Variants in ZNF233 observed in about 807,000 individuals in gnomAD.
The protein encoded by ZNF233 is zinc finger protein 233.
ZNF233 carries 7 observed loss-of-function variants against 11.6 expected under a neutral mutation model. That is an observed-to-expected ratio of 0.60 (90% CI 0.34 to 1.13). ZNF233 has a LOEUF of 1.13. Among genes scored for constraint, ZNF233 ranks in the 50% most tolerant of loss-of-function variants. The probability of loss-of-function intolerance (pLI) is 0.03; values close to 1 mark genes in which losing one functional copy is unlikely to be tolerated. For missense variants in ZNF233, 711 were observed against 785.5 expected (o/e 0.91, Z 1.13); for synonymous variants, 226 against 268.5 (o/e 0.84, Z 1.55).
At chr19:44,268,185 T>TACA (rs58790586) in intron 4 of ZNF233, 4 of 149,576 alleles carry the variant, frequency 2.7e-5, no homozygotes, top group African/African-American at 9.7e-5. Flanking sequence ...CATACATACA[T>TACA]TTAATTAAAT....
chr19:44,266,082 C>A (rs189211882), intron 2 of ZNF233, 116 bp from the exon 3 acceptor site: 1 of 1,163,534 alleles, frequency 8.6e-7, no homozygotes, highest in Non-Finnish European at 1.1e-6. Context: ...AAAGTTCATT[C>A]GAGGCCCTCA....
Position 44,266,317 on chromosome 19 carries a change from G to A in ZNF233, c.135G>A (p.Leu45=). 2 of 1,603,410 alleles carry A rather than the reference G, an allele frequency of 1.2e-6. No homozygotes were observed. Among genetic ancestry groups the A allele is most frequent in the South Asian group, 2.2e-5 (2 of 89,626 alleles). The change falls in exon 3 of 5, where the codon CTG becomes CTA. Residue 45 remains leucine, a synonymous_variant. Transcript: ENST00000683810. ...DVMLENFRNL[L]SVGYQPFKLD... ...TGCTGGAGAACTTCAGGAACCTGCT[G>A]TCAGTGGGTGAGCACAGGCACCTTC...
In ZNF233 at chr19:44,272,899, G is replaced by T; in HGVS notation, c.239G>T (p.Gly80Val). The change falls in exon 5 of 5, where the codon GGA (glycine) becomes GTA (valine). Residue 80 changes from glycine to valine, a missense_variant and splice_region_variant. Physicochemically the swap from Gly to Val is moderately radical, Grantham distance 109. Transcript: ENST00000683810. ...ETEIQGDGCS[G>V]HKNQNEIDTL... ...TTCTGAGTTCTCTTTATCATTCTAG[G>T]ACACAAGAATCAAAATGAGATAGAT... 1 of 1,546,478 alleles carries T rather than the reference G, an allele frequency of 6.5e-7. No individual in the cohort carries two copies. Among genetic ancestry groups the T allele is most frequent in the South Asian group, 1.2e-5 (1 of 81,408 alleles).
chr19:44,262,157 C>T (rs1323490165), intron 1 of ZNF233, among the ~76,000 whole-genome samples: 4 of 152,134 alleles, frequency 2.6e-5, no homozygotes, highest in Non-Finnish European at 4.4e-5. Flanking sequence ...ATTCTGTGTG[C>T]ATCAAATACT....
intron 2 of ZNF233, 62 bp downstream of exon 2, chr19:44,264,437 C>CT (rs1319877489): frequency 3.8e-5 from 56 of 1,482,490 alleles, no homozygotes; most frequent in Admixed American, 8.1e-5. Flanking sequence ...AGATTAGACA[C>CT]TTTTTTTTCT....
At position 44,273,339 on chromosome 19, in the gene ZNF233, G is replaced by A. The variant is rs1269942399; in HGVS notation, c.679G>A (p.Val227Ile). 1.4e-5 allele frequency: 23 copies of A among 1,614,162 alleles called. No individual in the cohort carries two copies. The highest frequency in any genetic ancestry group is 1.9e-5 in the Non-Finnish European group (23 of 1,180,040). The change falls in exon 5 of 5, where the codon GTA (valine) becomes ATA (isoleucine). Residue 227 changes from valine (V) to isoleucine (I), a missense_variant. Val to Ile is a conservative substitution (Grantham distance 29, BLOSUM62 3). Transcript: ENST00000683810. ...TGCTCATCAACATGATGATCATGGA[G>A]TACACAAAAGAGAGAAAGCTTTTAG... ...RIAHQHDDHG[V>I]HKREKAFSHN...
At chr19:44,269,911 AC>A (rs1365471995) in intron 4 of ZNF233, among the ~76,000 whole-genome samples, 5 of 152,036 alleles carry the variant, frequency 3.3e-5, no homozygotes, top group Non-Finnish European at 7.4e-5. Flanking sequence ...CTGCTTATCC[AC>A]CTACGTACCC....
At chr19:44,260,675 T>G (rs1974913776) in intron 1 of ZNF233, among the ~76,000 whole-genome samples, 1 of 152,224 alleles carries the variant, frequency 6.6e-6, no homozygotes, top group Non-Finnish European at 1.5e-5. Context: ...TTCCTCAGCC[T>G]TGACTAACCG....
Position 44,272,900 on chromosome 19 carries a change from A to G in ZNF233, c.240A>G (p.Gly80=), listed in dbSNP as rs138772084. 99 of 1,549,930 alleles carry G rather than the reference A, an allele frequency of 6.4e-5. No individual in the cohort carries two copies. The African/African-American group carries it at 1.3e-3, about 20-fold the overall frequency. The change falls in exon 5 of 5, where the codon GGA becomes GGG. Residue 80 remains glycine, a splice_region_variant and synonymous_variant. Transcript: ENST00000683810. The part of the protein sequence containing the change: ...ETEIQGDGCS[G]HKNQNEIDTL... Reference sequence around the variant, plus strand: ...TCTGAGTTCTCTTTATCATTCTAGGACACAAGAATCAAAATGAGATAGATA... The same window carrying G: ...TCTGAGTTCTCTTTATCATTCTAGGGCACAAGAATCAAAATGAGATAGATA...
chr19:44,263,530 T>A lies in ZNF233; in HGVS notation c.-47-784T>A, dbSNP rs376808816. Among the ~76,000 whole-genome samples, 18 of 152,324 alleles carry A rather than the reference T, an allele frequency of 1.2e-4. No individual in the cohort carries two copies. The South Asian group carries it at 3.5e-3, about 30-fold the overall frequency. On this transcript the variant is annotated intron_variant, in intron 1 of 4. Coordinates refer to ENST00000683810, the MANE Select transcript of ZNF233 (RefSeq NM_001207005.2). ...CTAGCAGAGACACATTTTAAATTAG[T>A]ATTTCCTTACGACAGTGAGCACGGG...
intron 2 of ZNF233, among the ~76,000 whole-genome samples, chr19:44,264,796 A>G (rs1975025888): frequency 6.6e-6 from 1 of 152,142 alleles, no homozygotes; most frequent in African/African-American, 2.4e-5. Flanking sequence ...AGAGTTTTAT[A>G]TGATTTAGTG....
At chr19:44,260,415 G>A (rs965461537) in intron 1 of ZNF233, among the ~76,000 whole-genome samples, 1 of 152,176 alleles carries the variant, frequency 6.6e-6, no homozygotes. Flanking sequence ...GAAAGCTTCT[G>A]TGAGCCCGCA....
chr19:44,260,145 G>A (rs1410584456), intron 1 of ZNF233: 1 of 240,306 alleles, frequency 4.2e-6, no homozygotes, highest in Admixed American at 5.6e-5. Context: ...TCTCCCGGGC[G>A]CTCAAGTTCC....
intron 1 of ZNF233, among the ~76,000 whole-genome samples, chr19:44,263,579 T>G (rs1414845225): frequency 2.0e-5 from 3 of 152,184 alleles, no homozygotes; most frequent in Non-Finnish European, 2.9e-5. Context: ...CCATTGAGAC[T>G]CTCCTGGCTA....
chr19:44,264,115 A>AT (rs1184936028), intron 1 of ZNF233, among the ~76,000 whole-genome samples, 199 bp from the exon 2 acceptor site: 1 of 152,048 alleles, frequency 6.6e-6, no homozygotes, highest in African/African-American at 2.4e-5. Flanking sequence ...TAATTATTGT[A>AT]TTTTTTTGTA....
At chr19:44,263,389 C>A (rs761520321) in intron 1 of ZNF233, among the ~76,000 whole-genome samples, 1 of 152,150 alleles carries the variant, frequency 6.6e-6, no homozygotes, top group Non-Finnish European at 1.5e-5. Flanking sequence ...CTAGCCAAGA[C>A]TATTCGATTT....
Position 44,274,171 on chromosome 19 carries a change from G to T in ZNF233, c.1511G>T (p.Gly504Val). The T allele has an allele frequency of 1.2e-6, 2 of 1,614,058 alleles. No individual in the cohort carries two copies. Among genetic ancestry groups the T allele is most frequent in the South Asian group, 1.1e-5 (1 of 91,072 alleles). Residue 504 changes from glycine to valine, a missense_variant, in exon 5 of 5, where the codon GGA becomes GTA. Transcript: ENST00000683810. ...CAGGCCCATCAGAGAGTCCATACAGGAGAGAAACCCTACAAATGTGACACA... is the reference window on the plus strand; with the variant it reads ...CAGGCCCATCAGAGAGTCCATACAGTAGAGAAACCCTACAAATGTGACACA... ...HLQAHQRVHT[G>V]EKPYKCDTCG...
At chr19:44,265,113 C>T (rs1200918808) in intron 2 of ZNF233, among the ~76,000 whole-genome samples, 1 of 152,010 alleles carries the variant, frequency 6.6e-6, no homozygotes. Context: ...TCCTTACTCC[C>T]CAGAGGCATC....
At chr19:44,267,351 CT>C (rs112959957) in intron 4 of ZNF233, 101,771 of 337,744 alleles carry the variant, frequency 0.3, 3,683 homozygotes, top group African/African-American at 0.42. Context: ...GCCAAGGGTG[CT>C]TTTTTTTTTT....
Sources: gnomAD v4.1 joint callset for allele counts (sites outside exome capture counted in the v4.1 genomes callset) on GRCh38, gnomAD v4.1.1 for gene constraint, MANE v1.5 for transcripts, NCBI Gene and HGNC (gene_info 2026-07-23, HGNC 2026-07-21) for gene names.